NRG3: variants seen among roughly 807,000 people sequenced by gnomAD.
NRG3 encodes pro-neuregulin-3, membrane-bound isoform.
NRG3 carries 31 observed loss-of-function variants against 66.9 expected under a neutral mutation model. The observed-to-expected ratio is 0.46, with a 90% confidence interval of 0.35 to 0.63. NRG3 has a LOEUF of 0.63. Ranked by LOEUF, NRG3 falls within the 20% of genes least tolerant of loss-of-function variation. The pLI is 0.00. For missense variants in NRG3, 910 were observed against 878.9 expected, an observed-to-expected ratio of 1.04 and a Z score of -0.45; for synonymous variants, 393 against 359.4, an observed-to-expected ratio of 1.09 and a Z score of -1.06.
chr10:82,152,879 T>C (rs116678502), intron 1 of NRG3, among the ~76,000 whole-genome samples: 1 of 151,532 alleles, frequency 6.6e-6, no homozygotes, highest in East Asian at 1.9e-4. Flanking sequence ...CTTTTCTTTC[T>C]TTTTCTTCCT....
intron 2 of NRG3, among the ~76,000 whole-genome samples, chr10:82,601,138 G>A (rs931051631): frequency 1.3e-5 from 2 of 152,102 alleles, no homozygotes; most frequent in African/African-American, 4.8e-5. Flanking sequence ...TCTTTTTTAT[G>A]GCTGTGTAGT....
chr10:82,943,495 T>C (rs1848744054), intron 4 of NRG3, among the ~76,000 whole-genome samples: 1 of 152,200 alleles, frequency 6.6e-6, no homozygotes, highest in Non-Finnish European at 1.5e-5. Context: ...CCAAGGTCAT[T>C]GATTTAAGTT....
chr10:82,349,419 C>G (rs1182383846), intron 1 of NRG3, among the ~76,000 whole-genome samples: 13 of 150,766 alleles, frequency 8.6e-5, no homozygotes, highest in Non-Finnish European at 1.3e-4. Flanking sequence ...GCAGTCTGCC[C>G]GTTCTCAGAT....
intron 2 of NRG3, among the ~76,000 whole-genome samples, chr10:82,406,127 A>G (rs1451562905): frequency 6.6e-6 from 1 of 152,196 alleles, no homozygotes; most frequent in African/African-American, 2.4e-5. Flanking sequence ...ACAATTCATT[A>G]TAAAGGGGAC....
chr10:82,376,862 C>T (rs2085274297), intron 2 of NRG3, among the ~76,000 whole-genome samples: 1 of 152,200 alleles, frequency 6.6e-6, no homozygotes. Flanking sequence ...TGCTCTCTGT[C>T]TAGCCTATGC....
intron 1 of NRG3, among the ~76,000 whole-genome samples, chr10:82,201,196 C>CAA (rs35232518): frequency 0.01 from 809 of 78,024 alleles, 21 homozygotes; most frequent in African/African-American, 0.034. Context: ...GACTCTGTCT[C>CAA]AAAAAAAAAA....
At chr10:82,476,956 T>A (rs1047124409) in intron 2 of NRG3, among the ~76,000 whole-genome samples, 2 of 151,970 alleles carry the variant, frequency 1.3e-5, no homozygotes, top group African/African-American at 4.8e-5. Context: ...GAGTTCCGAG[T>A]TCATCCAGTT....
chr10:82,856,097 T>G (rs1169417476), intron 3 of NRG3, among the ~76,000 whole-genome samples: 1 of 152,114 alleles, frequency 6.6e-6, no homozygotes, highest in Non-Finnish European at 1.5e-5. Context: ...CCACCAGAGG[T>G]GTCATGTTGC....
intron 4 of NRG3, among the ~76,000 whole-genome samples, chr10:82,875,558 A>G (rs1040952790): frequency 5.9e-5 from 9 of 152,036 alleles, no homozygotes; most frequent in African/African-American, 2.2e-4. Flanking sequence ...AGGCTTCTCT[A>G]TGTTGCCAAG....
chr10:81,982,431 T>C (rs2133477135), intron 1 of NRG3, among the ~76,000 whole-genome samples: 1 of 152,368 alleles, frequency 6.6e-6, no homozygotes, highest in African/African-American at 2.4e-5. Context: ...TACTCATTAC[T>C]TCTAAAGCTG....
At position 82,875,648 on chromosome 10, in the gene NRG3, G is replaced by A. The variant is rs570490102; in HGVS notation, c.1054+10211G>A. 1.4e-4 allele frequency among the ~76,000 whole-genome samples: 22 copies of A among 152,242 alleles called. 1 individual carries two copies. In the South Asian group the frequency reaches 3.9e-3, roughly 27 times the overall value. On this transcript the variant is annotated intron_variant, in intron 4 of 8. Coordinates refer to ENST00000372141, the MANE Select transcript of NRG3 (RefSeq NM_001010848.4). ...GGTAGGATTACAGGCGTGAGCCAAC[G>A]TGCCTGGCCCACTCTCTCCCTTTAC...
chr10:82,874,285 G>A (rs1228331983), intron 4 of NRG3, among the ~76,000 whole-genome samples: 7 of 151,958 alleles, frequency 4.6e-5, no homozygotes, highest in Non-Finnish European at 7.4e-5. Context: ...CCTGCATATT[G>A]TAAATGACTT....
chr10:82,856,176 C>T (rs933512760), intron 3 of NRG3, among the ~76,000 whole-genome samples: 2 of 152,104 alleles, frequency 1.3e-5, no homozygotes, highest in African/African-American at 4.8e-5. Flanking sequence ...ATATAGATGT[C>T]ACATGTTGAG....
At chr10:82,321,717 A>G (rs2081589205) in intron 1 of NRG3, among the ~76,000 whole-genome samples, 1 of 152,248 alleles carries the variant, frequency 6.6e-6, no homozygotes, top group Non-Finnish European at 1.5e-5. Flanking sequence ...GCATGTATGC[A>G]TAGCTCATAT....
chr10:82,649,459 C>CTTTTT (rs71469930), intron 2 of NRG3, among the ~76,000 whole-genome samples: 3 of 48,794 alleles, frequency 6.1e-5, no homozygotes, highest in Non-Finnish European at 1.2e-4. Context: ...CTGGTGCAGG[C>CTTTTT]TTTTTTTTTT....
At position 82,250,618 on chromosome 10, in the gene NRG3, C is replaced by T. The variant is rs529332234; in HGVS notation, c.824-108121C>T. Among the ~76,000 whole-genome samples the T allele has an allele frequency of 1.2e-3, 188 of 152,280 alleles. 1 individual carries two copies. The highest frequency in any genetic ancestry group is 4.4e-3 in the African/African-American group (183 of 41,562). On this transcript the variant is annotated intron_variant, in intron 1 of 8. Coordinates refer to ENST00000372141, the MANE Select transcript of NRG3 (RefSeq NM_001010848.4). Reference sequence around the variant, plus strand: ...AACAGAATGACTTCTGCTGAGATATCAAGACCACGTTGGTCTTGACCCCTG... The same window carrying T: ...AACAGAATGACTTCTGCTGAGATATTAAGACCACGTTGGTCTTGACCCCTG...
chr10:82,192,994 AG>A (rs199626702), intron 1 of NRG3, among the ~76,000 whole-genome samples: 12,196 of 151,146 alleles, frequency 0.081, 638 homozygotes, highest in African/African-American at 0.15. Flanking sequence ...AGAGAGAGAG[AG>A]AGTTTGTGAG....
chr10:82,471,897 A>G (rs945506078), intron 2 of NRG3, among the ~76,000 whole-genome samples: 5 of 151,960 alleles, frequency 3.3e-5, no homozygotes, highest in Non-Finnish European at 7.4e-5. Context: ...CTCGAAAAAA[A>G]AAAAAATCAA....
intron 1 of NRG3, among the ~76,000 whole-genome samples, chr10:82,249,887 C>A (rs1413414429): frequency 1.3e-5 from 2 of 152,192 alleles, no homozygotes; most frequent in African/African-American, 2.4e-5. Flanking sequence ...AGTGTGGTAA[C>A]CTTATCAGCA....
Sources: gnomAD v4.1 joint callset for allele counts (sites outside exome capture counted in the v4.1 genomes callset) on GRCh38, gnomAD v4.1.1 for gene constraint, MANE v1.5 for transcripts, NCBI Gene and HGNC (gene_info 2026-07-23, HGNC 2026-07-21) for gene names.